The following IFNG-AS1 variants were observed in gnomAD, a reference collection of about 807,000 sequenced individuals.
IFNG-AS1 encodes IFNG antisense RNA 1 (non-protein coding).
At chr12:68,014,795 G>GAC (rs10618483) in intron 3 of IFNG-AS1, among the ~76,000 whole-genome samples, 8 of 151,068 alleles carry the variant, frequency 5.3e-5, no homozygotes, top group African/African-American at 1.9e-4. Flanking sequence ...CACACACACA[G>GAC]ACACACACAC....
At position 67,995,488 on chromosome 12, in the gene IFNG-AS1, C is replaced by T. The variant is rs1374789668; in HGVS notation, n.52-453C>T. On this transcript the variant is annotated intron_variant and non_coding_transcript_variant, in intron 1 of 5. Transcript: ENST00000536914. ...CTGTAATCTTAGAACTTTGGGAGGC[C>T]GAGGCGGGCAGATTACGAGGTCAGG... Among the ~76,000 whole-genome samples, 15 of 149,602 alleles carry T rather than the reference C, an allele frequency of 1.0e-4. No individual in the cohort carries two copies. The East Asian group carries it at 1.4e-3, about 14-fold the overall frequency.
At chr12:68,021,033 TC>T (rs1243963903) in intron 4 of IFNG-AS1, 1 of 152,186 alleles carries the variant, frequency 6.6e-6, no homozygotes, top group Non-Finnish European at 1.5e-5. Flanking sequence ...TCGGTGTCTC[TC>T]CCAAAATTCT....
At chr12:68,002,176 T>C (rs546616759) in intron 2 of IFNG-AS1, among the ~76,000 whole-genome samples, 2 of 152,316 alleles carry the variant, frequency 1.3e-5, no homozygotes, top group Admixed American at 1.3e-4. Flanking sequence ...TGAGTTCAAA[T>C]TGTGCGTGAG....
intron 3 of IFNG-AS1, among the ~76,000 whole-genome samples, chr12:68,015,303 T>C (rs973888101): frequency 6.6e-6 from 1 of 152,020 alleles, no homozygotes; most frequent in African/African-American, 2.4e-5. Flanking sequence ...TTCTCCATAA[T>C]AAAGACATAG....
At chr12:68,003,678 G>A (rs1197548344) in intron 2 of IFNG-AS1, among the ~76,000 whole-genome samples, 2 of 152,102 alleles carry the variant, frequency 1.3e-5, no homozygotes, top group African/African-American at 4.8e-5. Flanking sequence ...ACTTTGGGAG[G>A]CCAAGGCGGG....
intron 1 of IFNG-AS1, among the ~76,000 whole-genome samples, chr12:67,995,237 A>G (rs1359950321): frequency 6.6e-6 from 1 of 151,952 alleles, no homozygotes; most frequent in East Asian, 1.9e-4. Flanking sequence ...CCTGGCCAAC[A>G]TGGTGAAACC....
chr12:68,005,191 C>T (rs999651582), intron 2 of IFNG-AS1, among the ~76,000 whole-genome samples: 3 of 152,134 alleles, frequency 2.0e-5, no homozygotes, highest in Non-Finnish European at 2.9e-5. Context: ...GGTAATAATG[C>T]CTGCACCTAC....
intron 2 of IFNG-AS1, chr12:68,001,442 G>T: frequency 4.2e-6 from 1 of 237,478 alleles, no homozygotes. Flanking sequence ...GGAGTCGTAG[G>T]TGCTCTTATT....
intron 1 of IFNG-AS1, among the ~76,000 whole-genome samples, chr12:67,995,285 G>A (rs1879609697): frequency 6.6e-6 from 1 of 151,720 alleles, no homozygotes; most frequent in African/African-American, 2.4e-5. Context: ...GCTGGGCATG[G>A]TGGCGCGTGC....
At chr12:68,014,481 T>C (rs1237362202) in intron 3 of IFNG-AS1, among the ~76,000 whole-genome samples, 1 of 152,210 alleles carries the variant, frequency 6.6e-6, no homozygotes, top group Non-Finnish European at 1.5e-5. Context: ...TTATTATGGC[T>C]ATTCTTGCAG....
rs375849659 is a variant in IFNG-AS1, at chr12:68,015,951, GGA to G, written n.242-3910_242-3909del. The stretch of plus-strand genomic sequence containing the variant: ...TATCTGAAAACTAGAGACGGGGGGG[GGA>G]AAAAAAACCTTTCCCAGAAATTGAC... On this transcript the variant is annotated intron_variant and non_coding_transcript_variant, in intron 3 of 5. Transcript: ENST00000536914. Among the ~76,000 whole-genome samples, 726 of 151,272 alleles carry G rather than the reference GGA, an allele frequency of 4.8e-3. 1 individual carries two copies. Among genetic ancestry groups the G allele is most frequent in the African/African-American group, 0.014 (562 of 41,220 alleles).
intron 3 of IFNG-AS1, among the ~76,000 whole-genome samples, chr12:68,013,918 G>A (rs1224282626): frequency 6.6e-6 from 1 of 152,122 alleles, no homozygotes; most frequent in East Asian, 1.9e-4. Context: ...CACCCTATTT[G>A]TAGTCTTTTA....
intron 3 of IFNG-AS1, among the ~76,000 whole-genome samples, chr12:68,018,924 C>T (rs1880220932): frequency 6.6e-6 from 1 of 151,978 alleles, no homozygotes; most frequent in Admixed American, 6.6e-5. Flanking sequence ...TTAAGAGGAT[C>T]CGTGGTTTTT....
At chr12:68,011,972 G>T (rs568418260) in intron 3 of IFNG-AS1, among the ~76,000 whole-genome samples, 1 of 152,302 alleles carries the variant, frequency 6.6e-6, no homozygotes, top group East Asian at 1.9e-4. Context: ...GTCAGAACAA[G>T]CAATCTGCTT....
chr12:68,018,487 G>A (rs1265596650), intron 3 of IFNG-AS1, among the ~76,000 whole-genome samples: 1 of 152,050 alleles, frequency 6.6e-6, no homozygotes, highest in African/African-American at 2.4e-5. Flanking sequence ...GGCTATTTAG[G>A]CCCAAACTTA....
chr12:67,998,813 G>A (rs529067051), intron 2 of IFNG-AS1, among the ~76,000 whole-genome samples: 2 of 152,152 alleles, frequency 1.3e-5, no homozygotes, highest in Non-Finnish European at 2.9e-5. Flanking sequence ...TTAATACAAT[G>A]TACATATTAT....
chr12:68,005,874 T>C (rs1305892387), intron 2 of IFNG-AS1, among the ~76,000 whole-genome samples: 1 of 152,240 alleles, frequency 6.6e-6, no homozygotes, highest in Non-Finnish European at 1.5e-5. Flanking sequence ...TTCATGTTTC[T>C]CTAGTTATTA....
At chr12:67,990,904 A>T (rs1879495340) in intron 1 of IFNG-AS1, among the ~76,000 whole-genome samples, 1 of 151,540 alleles carries the variant, frequency 6.6e-6, no homozygotes, top group Non-Finnish European at 1.5e-5. Context: ...ATTTTTTTTT[A>T]ACTTTAAACT....
At chr12:68,018,910 T>G (rs556163159) in intron 3 of IFNG-AS1, among the ~76,000 whole-genome samples, 1 of 152,102 alleles carries the variant, frequency 6.6e-6, no homozygotes, top group Non-Finnish European at 1.5e-5. Context: ...CCAGAGCAAC[T>G]TTTTTAAGAG....
Sources: allele counts gnomAD v4.1 joint callset (sites outside exome capture counted in the v4.1 genomes callset), GRCh38; gene constraint gnomAD v4.1.1; transcripts MANE v1.5; gene names NCBI Gene and HGNC (gene_info 2026-07-23, HGNC 2026-07-21).